The following DTD1 variants were observed in gnomAD, a reference collection of about 807,000 sequenced individuals.
DTD1 encodes D-tyrosyl-tRNA deacylase 1 homolog.
A neutral mutation model predicts 25.6 loss-of-function variants in DTD1; 13 were observed. That is an observed-to-expected ratio of 0.51 (90% CI 0.33 to 0.81). DTD1 has a LOEUF of 0.81. Ranked by LOEUF, DTD1 falls within the 30% of genes least tolerant of loss-of-function variation. DTD1 has a pLI of 0.02. For synonymous variants in DTD1, 110 were observed against 103.6 expected (o/e 1.06, Z -0.37); for missense variants, 193 against 266.4 (o/e 0.72, Z 1.92).
At chr20:18,732,267 A>G (rs939747128) in intron 4 of DTD1, among the ~76,000 whole-genome samples, 4 of 152,236 alleles carry the variant, frequency 2.6e-5, no homozygotes, top group African/African-American at 7.2e-5. Flanking sequence ...ATGCTCATGA[A>G]CAGTGTTCTG....
chr20:18,616,494 T>G (rs1485435382), intron 3 of DTD1, among the ~76,000 whole-genome samples: 1 of 152,030 alleles, frequency 6.6e-6, no homozygotes, highest in Non-Finnish European at 1.5e-5. Flanking sequence ...ATGGCCACCC[T>G]AAAAGCAATG....
chr20:18,746,481 C>T (rs1310152189), intron 5 of DTD1, among the ~76,000 whole-genome samples: 1 of 151,880 alleles, frequency 6.6e-6, no homozygotes, highest in Non-Finnish European at 1.5e-5. Context: ...GAGAATCACT[C>T]GAACCCAAGA....
At chr20:18,698,893 C>G (rs1047185731) in intron 4 of DTD1, among the ~76,000 whole-genome samples, 1 of 152,220 alleles carries the variant, frequency 6.6e-6, no homozygotes, top group Admixed American at 6.5e-5. Flanking sequence ...TGCTGGGGTT[C>G]TGTTTTCCTC....
intron 4 of DTD1, among the ~76,000 whole-genome samples, chr20:18,725,854 C>CT (rs1275209024): frequency 6.6e-6 from 1 of 152,210 alleles, no homozygotes; most frequent in East Asian, 1.9e-4. Context: ...TCAGTGTTTT[C>CT]TTTCATTCCC....
intron 5 of DTD1, among the ~76,000 whole-genome samples, chr20:18,759,643 C>G (rs1480709586): frequency 6.6e-6 from 1 of 152,216 alleles, no homozygotes; most frequent in African/African-American, 2.4e-5. Context: ...GGTAACCCAA[C>G]CTTTCTCTCT....
At chr20:18,689,550 A>AT (rs2061033460) in intron 4 of DTD1, among the ~76,000 whole-genome samples, 1 of 152,148 alleles carries the variant, frequency 6.6e-6, no homozygotes, top group Admixed American at 6.5e-5. Context: ...AGGCAGGTTT[A>AT]TTTGGACAGT....
intron 4 of DTD1, among the ~76,000 whole-genome samples, chr20:18,674,046 C>T (rs1185208742): frequency 1.3e-5 from 2 of 151,966 alleles, no homozygotes; most frequent in Non-Finnish European, 2.9e-5. Context: ...TAATTACTTG[C>T]TAAATTTCTG....
chr20:18,632,309 C>T, intron 4 of DTD1: 1 of 985,486 alleles, frequency 1.0e-6, no homozygotes, highest in Non-Finnish European at 1.2e-6. Context: ...GCATCAACTT[C>T]ATTTACATGG....
At position 18,667,098 on chromosome 20, in the gene DTD1, G is replaced by T. The variant is rs557675329; in HGVS notation, c.477+38865G>T. Among the ~76,000 whole-genome samples the T allele has an allele frequency of 9.5e-4, 144 of 152,340 alleles. 1 individual carries two copies. The highest frequency in any genetic ancestry group is 3.4e-3 in the African/African-American group (140 of 41,576). On this transcript the variant is annotated intron_variant, in intron 4 of 5. Coordinates refer to ENST00000377452, the MANE Select transcript of DTD1 (RefSeq NM_080820.6). The stretch of plus-strand genomic sequence containing the variant: ...AGGTGTGAGAGAATTCTAAGTGGAT[G>T]TGGAAACCAAGGAGGGCTACGTGGT...
At position 18,649,402 on chromosome 20, in the gene DTD1, G is replaced by A. The variant is rs1232137943; in HGVS notation, c.477+21169G>A. Among the ~76,000 whole-genome samples, 5 of 134,706 alleles carry A rather than the reference G, an allele frequency of 3.7e-5. No homozygotes were observed. The East Asian group carries it at 1.2e-3, about 31-fold the overall frequency. 88.4% of individuals were successfully genotyped at this position (134,706 alleles called of 152,430 possible). On this transcript the variant is annotated intron_variant, in intron 4 of 5. Coordinates refer to ENST00000377452, the MANE Select transcript of DTD1 (RefSeq NM_080820.6). ...CGCCCAGGATGGAGTGCAGTGGCGCGATCTCCGCTCACTGCAACATCCGCC... is the reference window on the plus strand; with the variant it reads ...CGCCCAGGATGGAGTGCAGTGGCGCAATCTCCGCTCACTGCAACATCCGCC...
intron 1 of DTD1, among the ~76,000 whole-genome samples, chr20:18,589,062 C>T (rs1409114625): frequency 6.6e-6 from 1 of 152,036 alleles, no homozygotes; most frequent in Non-Finnish European, 1.5e-5. Context: ...GAATTAAAAA[C>T]AAAACAGGCC....
intron 4 of DTD1, among the ~76,000 whole-genome samples, chr20:18,728,101 C>T (rs2061228658): frequency 6.6e-6 from 1 of 152,076 alleles, no homozygotes. Flanking sequence ...GGTTTTCAGT[C>T]CCTTCATGGA....
At position 18,645,727 on chromosome 20, in the gene DTD1, A is replaced by G. The variant is rs117516047; in HGVS notation, c.477+17494A>G. Among the ~76,000 whole-genome samples the G allele has an allele frequency of 3.2e-4, 49 of 152,310 alleles. No individual in the cohort carries two copies. The East Asian group carries it at 6.0e-3, about 19-fold the overall frequency. On this transcript the variant is annotated intron_variant, in intron 4 of 5. Coordinates refer to ENST00000377452, the MANE Select transcript of DTD1 (RefSeq NM_080820.6). ...TTTGGTACCTGGGTTATGGGTAAGG[A>G]TAAAAGGTCTGTGGCCTTCAGCCTG... is the stretch of plus-strand genomic sequence containing the variant.
chr20:18,628,130 G>T lies in DTD1; in HGVS notation c.374G>T (p.Gly125Val). Residue 125 changes from glycine (G) to valine (V), a missense_variant, in exon 4 of 6, where the codon GGC (glycine) becomes GTC (valine). Coordinates refer to ENST00000377452, the MANE Select transcript of DTD1 (RefSeq NM_080820.6). ...ACTGTTTGGATTGCTTTTTCAGATG[G>T]CAAGTTTGGGGCCTACATGCAGGTG... ...KTYRPELIKD[G>V]KFGAYMQVHI... The T allele has an allele frequency of 6.2e-7, 1 of 1,612,916 alleles. No homozygotes were observed. Among genetic ancestry groups the T allele is most frequent in the Non-Finnish European group, 8.5e-7 (1 of 1,179,156 alleles).
chr20:18,733,933 G>A (rs1261026439), intron 4 of DTD1, among the ~76,000 whole-genome samples: 2 of 152,196 alleles, frequency 1.3e-5, no homozygotes, highest in Non-Finnish European at 2.9e-5. Flanking sequence ...GTGTGTTATG[G>A]AAACATCCTC....
intron 5 of DTD1, among the ~76,000 whole-genome samples, chr20:18,756,509 C>T (rs1048663431): frequency 2.6e-5 from 4 of 152,194 alleles, no homozygotes; most frequent in African/African-American, 9.7e-5. Flanking sequence ...TTTCCCAGCA[C>T]CATTTATTAA....
chr20:18,612,183 C>T (rs538554553), intron 3 of DTD1, among the ~76,000 whole-genome samples: 6 of 151,362 alleles, frequency 4.0e-5, no homozygotes, highest in African/African-American at 1.2e-4. Flanking sequence ...TACAGGTGCC[C>T]GCCACTACGC....
At chr20:18,598,289 C>T (rs894385281) in intron 3 of DTD1, among the ~76,000 whole-genome samples, 3 of 152,070 alleles carry the variant, frequency 2.0e-5, no homozygotes, top group African/African-American at 7.2e-5. Context: ...TCATCCATGT[C>T]CCTGCAAAGG....
intron 4 of DTD1, among the ~76,000 whole-genome samples, chr20:18,708,238 A>AT (rs1568676676): frequency 1.4e-3 from 3 of 2,152 alleles, no homozygotes; most frequent in Non-Finnish European, 4.0e-3. Context: ...TATTTTATAT[A>AT]TATATAATAT....
Sources: allele counts gnomAD v4.1 joint callset (sites outside exome capture counted in the v4.1 genomes callset), GRCh38; gene constraint gnomAD v4.1.1; transcripts MANE v1.5; gene names NCBI Gene and HGNC (gene_info 2026-07-23, HGNC 2026-07-21).